Variants in KIF1C observed in about 807,000 individuals in gnomAD.
KIF1C encodes kinesin family member 1C, also known as kinesin-like protein KIF1C.
A neutral mutation model predicts 126.5 loss-of-function variants in KIF1C; 61 were observed. The ratio of observed to expected loss-of-function variants is 0.48; its 90% CI spans 0.39 to 0.60. The LOEUF (loss-of-function observed/expected upper bound fraction) is 0.60. Among genes scored for constraint, KIF1C ranks in the 20% least tolerant of loss-of-function variants. The probability of loss-of-function intolerance (pLI) is 0.00; values close to 1 mark genes in which losing one functional copy is unlikely to be tolerated. For missense variants in KIF1C, 1,315 were observed against 1,489.2 expected (o/e 0.88, Z 1.93); for synonymous variants, 640 against 580.6 (o/e 1.10, Z -1.47).
At chr17:5,001,151 T>C (rs1974581314) in intron 4 of KIF1C, 71 bp from the exon 5 acceptor site, 1 of 1,497,908 alleles carries the variant, frequency 6.7e-7, no homozygotes, top group Non-Finnish European at 9.2e-7. Flanking sequence ...AGCAAGACTC[T>C]TGGGACAGAG....
chr17:5,007,533 T>A lies in KIF1C; in HGVS notation c.1482T>A (p.Ser494=), dbSNP rs1189999218. ...REDGGTVGVF[S]PKKTPHLVNL... ...ATGGGGGAACTGTGGGCGTCTTCTC[T>A]CCAAAGAAGGTGAGTGAGGAATCGA... The change falls in exon 16 of 23, where the codon TCT becomes TCA. Residue 494 remains serine (S), a synonymous_variant. Coordinates refer to ENST00000320785, the MANE Select transcript of KIF1C (RefSeq NM_006612.6). 1 of 1,553,134 alleles carries A rather than the reference T, an allele frequency of 6.4e-7. No individual in the cohort carries two copies. Among genetic ancestry groups the A allele is most frequent in the East Asian group, 2.2e-5 (1 of 44,448 alleles).
intron 13 of KIF1C, 114 bp from the exon 14 acceptor site, chr17:5,006,801 A>G: frequency 3.8e-6 from 4 of 1,058,456 alleles, no homozygotes; most frequent in Non-Finnish European, 5.6e-6. Context: ...GCTGACCAGC[A>G]GTCTTCTGTA....
chr17:5,005,117 T>C (rs1455900322), intron 13 of KIF1C, 117 bp downstream of exon 13: 1 of 1,287,516 alleles, frequency 7.8e-7, no homozygotes, highest in Non-Finnish European at 1.1e-6. Flanking sequence ...AAACCTTTCA[T>C]GTGCTCAGTG....
intron 18 of KIF1C, among the ~76,000 whole-genome samples, chr17:5,016,346 C>G (rs1974972883): frequency 6.6e-6 from 1 of 151,568 alleles, no homozygotes; most frequent in Admixed American, 6.6e-5. Context: ...CAACTCCCAA[C>G]CTCAGGTGAT....
In KIF1C at chr17:5,014,767, C is replaced by G. The variant is rs1974936394; in HGVS notation, c.1596C>G (p.Ile532Met). 6.3e-7 allele frequency: 1 copy of G among 1,598,798 alleles called. No individual in the cohort carries two copies. Among genetic ancestry groups the G allele is most frequent in the Non-Finnish European group, 8.5e-7 (1 of 1,173,162 alleles). The change falls in exon 18 of 23, where the codon ATC becomes ATG. Residue 532 changes from isoleucine to methionine, a missense_variant. By Grantham distance (10) the Ile-to-Met change is conservative (BLOSUM62 1). Around this residue, in one of 2 missense-constraint regions of KIF1C, gnomAD observed 874 missense variants for 1,053.2 expected, o/e 0.83. Transcript: ENST00000320785. The stretch of plus-strand genomic sequence containing the variant: ...GGGTCGGCCAAGTAGATATGGACAT[C>G]AAGCTGACCGGACAGTTCATTCGGG... Reference protein sequence around the residue: ...VTRVGQVDMDIKLTGQFIREQ... With the variant: ...VTRVGQVDMDMKLTGQFIREQ...
Position 5,027,067 on chromosome 17 carries a change from G to A in KIF1C, c.*2916G>A, listed in dbSNP as rs551786680. On this transcript the variant is annotated 3_prime_UTR_variant, in exon 23 of 23. Transcript: ENST00000320785. ...TTTGATTTAGTCTTTAAAGTACCCC[G>A]GTAAAATAGGTCTTTTGTCTGCATT... 1.3e-5 allele frequency: 2 copies of A among 152,138 alleles called. No individual in the cohort carries two copies. The highest frequency in any genetic ancestry group is 6.5e-5 in the Admixed American group (1 of 15,274). 9.4% of individuals were successfully genotyped at this position (152,138 alleles called of 1,614,324 possible).
At chr17:5,001,025 C>T (rs1348754557) in intron 4 of KIF1C, among the ~76,000 whole-genome samples, 177 bp downstream of exon 4, 8 of 151,784 alleles carry the variant, frequency 5.3e-5, no homozygotes, top group Admixed American at 3.3e-4. Flanking sequence ...GACAGGAAGG[C>T]GGAATCCCTT....
chr17:5,015,947 AAT>A (rs1466229548), intron 18 of KIF1C, among the ~76,000 whole-genome samples: 2 of 151,964 alleles, frequency 1.3e-5, no homozygotes, highest in African/African-American at 2.4e-5. Context: ...CTTAAAAAAA[AAT>A]AGAATGATTT....
chr17:5,010,616 G>A (rs747897101), intron 16 of KIF1C, among the ~76,000 whole-genome samples: 304 of 151,452 alleles, frequency 2.0e-3, no homozygotes, highest in Non-Finnish European at 3.7e-3. Context: ...GCGTGGTGGC[G>A]GGCACCTGTA....
rs1200208611 is a variant in KIF1C at position 5,024,032 on chromosome 17, C to T, written c.3193C>T (p.Pro1065Ser). ...AAAGCACAACTCTTATCCCCAGCCACCCCAACCCTACCCAGCCCAGCGGCC... is the reference window on the plus strand; with the variant it reads ...AAAGCACAACTCTTATCCCCAGCCATCCCAACCCTACCCAGCCCAGCGGCC... ...PKKHNSYPQP[P>S]QPYPAQRPPG... The change falls in exon 23 of 23, where the codon CCC becomes TCC. Residue 1065 changes from proline (P) to serine (S), a missense_variant. This residue lies in a region of KIF1C where 441 missense variants were observed against 436.1 expected (regional missense o/e 1.01). Coordinates refer to ENST00000320785, the MANE Select transcript of KIF1C (RefSeq NM_006612.6). The T allele has an allele frequency of 1.3e-6, 2 of 1,594,538 alleles. No individual in the cohort carries two copies. Among genetic ancestry groups the T allele is most frequent in the East Asian group, 4.6e-5 (2 of 43,782 alleles).
chr17:5,008,747 C>T (rs528434213), intron 16 of KIF1C, among the ~76,000 whole-genome samples: 2 of 152,276 alleles, frequency 1.3e-5, no homozygotes, highest in Admixed American at 1.3e-4. Flanking sequence ...GGCTGGGTAC[C>T]CTGGGGCTTT....
In KIF1C at chr17:5,007,035, C is replaced by A. The variant is rs905730505; in HGVS notation, c.1286C>A (p.Pro429His). Residue 429 changes from proline to histidine, a missense_variant, in exon 14 of 23, where the codon CCC (proline) becomes CAC (histidine). By Grantham distance (77) the Pro-to-His change is moderately conservative. This residue lies in a region of KIF1C where 874 missense variants were observed against 1,053.2 expected (regional missense o/e 0.83). Transcript: ENST00000320785. ...HNGELEPSFS[P>H]NTESQIGPEE... ...GGGGAGCTGGAGCCGTCATTCTCCCCCAACACGGAGTCCCAGATTGGGCCT... is the reference window on the plus strand; with the variant it reads ...GGGGAGCTGGAGCCGTCATTCTCCCACAACACGGAGTCCCAGATTGGGCCT... The A allele has an allele frequency of 1.9e-6, 3 of 1,607,574 alleles. No individual in the cohort carries two copies. Among genetic ancestry groups the A allele is most frequent in the Non-Finnish European group, 2.5e-6 (3 of 1,178,256 alleles).
intron 16 of KIF1C, among the ~76,000 whole-genome samples, chr17:5,009,884 A>G (rs749741015): frequency 2.0e-5 from 3 of 151,950 alleles, no homozygotes; most frequent in Non-Finnish European, 4.4e-5. Context: ...ATACACATTT[A>G]CTCACATTCA....
At position 5,023,564 on chromosome 17, in the gene KIF1C, C is replaced by T; in HGVS notation, c.2725C>T (p.Pro909Ser). Residue 909 changes from proline (P) to serine (S), a missense_variant, in exon 23 of 23, where the codon CCG becomes TCG. This residue lies in a region of KIF1C where 441 missense variants were observed against 436.1 expected (regional missense o/e 1.01). Transcript: ENST00000320785. This position sits in a 1 kb window ranked among gnomAD's most constrained non-coding sequence, Gnocchi z 4.2. ...AEEAAPSDRM[P>S]SARPPSPPLS... is the part of the protein sequence containing the mutation. The stretch of plus-strand genomic sequence containing the variant: ...GGAGGCAGCCCCCAGTGACCGCATG[C>T]CGTCAGCCCGGCCCCCCTCGCCACC... The T allele has an allele frequency of 6.2e-7, 1 of 1,613,694 alleles. No individual in the cohort carries two copies.
chr17:5,013,824 G>A, intron 17 of KIF1C, 92 bp downstream of exon 17: 1 of 913,352 alleles, frequency 1.1e-6, no homozygotes, highest in Non-Finnish European at 1.7e-6. Flanking sequence ...TTCCCTGGTG[G>A]TCCCTGGAGA....
chr17:5,021,860 A>G (rs1171981899), intron 21 of KIF1C, among the ~76,000 whole-genome samples: 3 of 152,072 alleles, frequency 2.0e-5, no homozygotes, highest in Admixed American at 6.6e-5. Context: ...GGTGCCGGCC[A>G]TGGTTCTAAG....
intron 13 of KIF1C, among the ~76,000 whole-genome samples, chr17:5,005,241 G>A (rs1053910665): frequency 2.0e-5 from 3 of 152,258 alleles, no homozygotes; most frequent in African/African-American, 7.2e-5. Context: ...GCTCCTGGAA[G>A]TAATGAAATG....
rs998956484 is a variant in KIF1C, at chr17:5,020,296, A to G, written c.1751-196A>G. 2.6e-5 allele frequency among the ~76,000 whole-genome samples: 4 copies of G among 152,166 alleles called. No individual in the cohort carries two copies. The highest frequency in any genetic ancestry group is 7.2e-5 in the African/African-American group (3 of 41,428). ...AGGAAGAGGATGCCAAGCTCTTGCA[A>G]TTCCCTTTGGTTGACAAGAATGGGG... is the stretch of plus-strand genomic sequence containing the variant. On this transcript the variant is annotated intron_variant, in intron 19 of 22. Coordinates refer to ENST00000320785, the MANE Select transcript of KIF1C (RefSeq NM_006612.6). The surrounding 1 kb of genome is among the most constrained non-coding windows in gnomAD (Gnocchi z 5.8).
chr17:5,010,960 A>C (rs771471372), intron 16 of KIF1C, among the ~76,000 whole-genome samples: 13 of 151,516 alleles, frequency 8.6e-5, no homozygotes, highest in African/African-American at 2.9e-4. Flanking sequence ...ACAGGCGCCC[A>C]CCACCACTCC....
Sources: gnomAD v4.1 joint callset for allele counts (sites outside exome capture counted in the v4.1 genomes callset) on GRCh38, gnomAD v4.1.1 for gene constraint, gnomAD v4.1.1 regional missense constraint, Gnocchi (gnomAD v3.1) non-coding constraint, MANE v1.5 for transcripts, NCBI Gene and HGNC (gene_info 2026-07-23, HGNC 2026-07-21) for gene names.